Variants in CA3 observed in about 807,000 individuals in gnomAD.
CA3 encodes the protein carbonic anhydrase 3.
CA3 carries 30 observed loss-of-function variants against 35.7 expected under a neutral mutation model. The ratio of observed to expected loss-of-function variants is 0.84; its 90% confidence interval spans 0.63 to 1.14. CA3 has a LOEUF of 1.14. CA3 is among the 50% of genes most tolerant of loss of function. The pLI is 0.00. For missense variants in CA3, 295 were observed against 328.5 expected, an observed-to-expected ratio of 0.90 and a Z score of 0.79; for synonymous variants, 131 against 130.8, an observed-to-expected ratio of 1.00 and a Z score of -0.01.
intron 4 of CA3, among the ~76,000 whole-genome samples, chr8:85,444,763 A>G (rs1181127749): frequency 6.6e-6 from 1 of 152,150 alleles, no homozygotes; most frequent in African/African-American, 2.4e-5. Context: ...TCATTGGGTC[A>G]TTTTTGGTAC....
Position 85,447,924 on chromosome 8 carries a change from CAAAA to C in CA3, c.664-106_664-103del, listed in dbSNP as rs888179230. 1.1e-5 allele frequency: 11 copies of C among 1,040,408 alleles called. No homozygotes were observed. The Admixed American group carries it at 1.3e-4, about 13-fold the overall frequency. The allele number at this position is 1,040,408 out of a possible 1,614,324, so 64.4% of individuals were successfully genotyped here. On this transcript the variant is annotated intron_variant, in intron 6 of 6. Coordinates refer to ENST00000285381, the MANE Select transcript of CA3 (RefSeq NM_005181.4). Reference sequence around the variant, plus strand: ...AAAAACAAACAAACAAACAAACAAACAAAAAAACCAACAACAAAAAAAACCCCAG... The same window carrying C: ...AAAAACAAACAAACAAACAAACAAACAAACCAACAACAAAAAAAACCCCAG...
chr8:85,442,767 C>T (rs898752064), intron 3 of CA3, among the ~76,000 whole-genome samples: 1 of 152,022 alleles, frequency 6.6e-6, no homozygotes, highest in Non-Finnish European at 1.5e-5. Context: ...ATAAGAAAGC[C>T]CAGGGTCCTC....
At position 85,439,700 on chromosome 8, in the gene CA3, T is replaced by G; in HGVS notation, c.35-12T>G. On this transcript the variant is annotated splice_polypyrimidine_tract_variant and intron_variant, in intron 1 of 6. Coordinates refer to ENST00000285381, the MANE Select transcript of CA3 (RefSeq NM_005181.4). ...CACCAAATAAATACATCTCCTCGAC[T>G]TTATTTCCTAGGTCCTGACCACTGG... 1.5e-5 allele frequency: 24 copies of G among 1,604,344 alleles called. No individual in the cohort carries two copies. The highest frequency in any genetic ancestry group is 2.0e-5 in the Non-Finnish European group (24 of 1,172,870).
In CA3 at chr8:85,439,649, A is replaced by C. The variant is rs894552111; in HGVS notation, c.35-63A>C. 3.3e-6 allele frequency: 4 copies of C among 1,225,636 alleles called. No individual in the cohort carries two copies. The Admixed American group carries it at 5.4e-5, about 17-fold the overall frequency. The allele number at this position is 1,225,636 out of a possible 1,614,324, so 75.9% of individuals were successfully genotyped here. ...CTCTCTGTATTTTGCTGGTTTAGTC[A>C]ATTAGAAAGAGGCCTTGGGTTGTGC... On this transcript the variant is annotated intron_variant, in intron 1 of 6. Transcript: ENST00000285381.
chr8:85,439,915 T>C lies in CA3; in HGVS notation c.232+6T>C. On this transcript the variant is annotated splice_donor_region_variant and intron_variant, in intron 2 of 6. Coordinates refer to ENST00000285381, the MANE Select transcript of CA3 (RefSeq NM_005181.4). The stretch of plus-strand genomic sequence containing the variant: ...TGATACTTATGATAGGTCAAGTAAG[T>C]ATGACAATGAGGTAGAATCACATGG... The C allele has an allele frequency of 6.2e-7, 1 of 1,603,446 alleles. No individual in the cohort carries two copies. Among genetic ancestry groups the C allele is most frequent in the Non-Finnish European group, 8.5e-7 (1 of 1,173,856 alleles).
intron 4 of CA3, 59 bp from the exon 5 acceptor site, chr8:85,445,097 G>A: frequency 8.7e-7 from 1 of 1,143,620 alleles, no homozygotes; most frequent in African/African-American, 1.6e-5. Context: ...CAGCTTTGAA[G>A]ACAATCCTAA....
intron 4 of CA3, 25 bp from the exon 5 acceptor site, chr8:85,445,131 T>C: frequency 2.6e-6 from 4 of 1,526,514 alleles, no homozygotes; most frequent in Non-Finnish European, 3.6e-6. Context: ...AAAAGAACTA[T>C]ACTTGGATTT....
intron 6 of CA3, among the ~76,000 whole-genome samples, chr8:85,446,767 C>T (rs547142758): frequency 1.2e-3 from 181 of 152,330 alleles, no homozygotes; most frequent in Non-Finnish European, 2.0e-3. Context: ...TGTCCATGAT[C>T]ACACAGCCAA....
chr8:85,445,146 T>G lies in CA3; in HGVS notation c.445-10T>G. On this transcript the variant is annotated splice_polypyrimidine_tract_variant and intron_variant, in intron 4 of 6. Coordinates refer to ENST00000285381, the MANE Select transcript of CA3 (RefSeq NM_005181.4). Reference sequence around the variant, plus strand: ...AAAAGAACTATACTTGGATTTCTGTTTTCTTACAGATAGGACATGAGAATG... The same window carrying G: ...AAAAGAACTATACTTGGATTTCTGTGTTCTTACAGATAGGACATGAGAATG... The G allele has an allele frequency of 6.3e-7, 1 of 1,585,172 alleles. No individual in the cohort carries two copies.
intron 6 of CA3, among the ~76,000 whole-genome samples, chr8:85,447,689 G>C (rs1464439063): frequency 6.6e-6 from 1 of 152,214 alleles, no homozygotes; most frequent in Non-Finnish European, 1.5e-5. Context: ...CCTGAGGTCA[G>C]GAGTTCGAGA....
rs189829823 is a variant in CA3 at position 85,442,220 on chromosome 8, G to T, written c.351+29G>T. 4.3e-6 allele frequency: 5 copies of T among 1,163,794 alleles called. No individual in the cohort carries two copies. In the South Asian group the frequency reaches 6.1e-5, roughly 14 times the overall value. 72.1% of individuals were successfully genotyped at this position (1,163,794 alleles called of 1,614,324 possible). On this transcript the variant is annotated intron_variant, in intron 3 of 6. Transcript: ENST00000285381. ...AGAGGAACTGCCATAATCCATTCTC[G>T]GTCTCATACAGTGAAAACTGCAAAA...
intron 6 of CA3, 75 bp from the exon 7 acceptor site, chr8:85,447,959 T>A: frequency 2.1e-6 from 3 of 1,431,618 alleles, no homozygotes; most frequent in Non-Finnish European, 2.8e-6. Context: ...CCCAGCAGTA[T>A]TTATACCTCT....
In CA3 at chr8:85,441,301, G is replaced by T. The variant is rs78061400; in HGVS notation, c.233-772G>T. Reference sequence around the variant, plus strand: ...TTGAACCTCTAAATCACTCTGCAATGGGTTGAGATGTTTATCAACAAGCCC... The same window carrying T: ...TTGAACCTCTAAATCACTCTGCAATTGGTTGAGATGTTTATCAACAAGCCC... On this transcript the variant is annotated intron_variant, in intron 2 of 6. Transcript: ENST00000285381. Among the ~76,000 whole-genome samples the T allele has an allele frequency of 4.1e-3, 623 of 152,280 alleles. 1 individual carries two copies. The highest frequency in any genetic ancestry group is 8.5e-3 in the Admixed American group (130 of 15,300).
chr8:85,445,728 G>C (rs567179962), intron 5 of CA3, among the ~76,000 whole-genome samples: 9 of 152,102 alleles, frequency 5.9e-5, no homozygotes, highest in African/African-American at 2.2e-4. Flanking sequence ...ATATTATTGA[G>C]TTTCATTAAC....
At chr8:85,446,432 C>A in intron 6 of CA3, 135 bp downstream of exon 6, 1 of 1,029,806 alleles carries the variant, frequency 9.7e-7, no homozygotes. Flanking sequence ...ATGGTCTGCC[C>A]TGGTTAATTA....
intron 6 of CA3, 21 bp from the exon 7 acceptor site, chr8:85,448,013 G>T: frequency 6.2e-7 from 1 of 1,602,390 alleles, no homozygotes; most frequent in East Asian, 2.2e-5. Flanking sequence ...CTTGTTAACA[G>T]TCTGCCCCTG....
intron 6 of CA3, 21 bp downstream of exon 6, chr8:85,446,318 G>T (rs373481075): frequency 6.2e-7 from 1 of 1,600,026 alleles, no homozygotes; most frequent in South Asian, 1.1e-5. Context: ...TTGTGAACAC[G>T]TGGGCTTATG....
At chr8:85,447,665 A>C (rs940502767) in intron 6 of CA3, among the ~76,000 whole-genome samples, 1 of 152,218 alleles carries the variant, frequency 6.6e-6, no homozygotes, top group Non-Finnish European at 1.5e-5. Flanking sequence ...TGGGGGTCCA[A>C]GGCGGGTGGA....
intron 2 of CA3, among the ~76,000 whole-genome samples, chr8:85,440,839 T>A (rs1171816277): frequency 6.6e-6 from 1 of 152,242 alleles, no homozygotes; most frequent in African/African-American, 2.4e-5. Flanking sequence ...AACAGTGGTT[T>A]CGTATTGCTA....
Sources: gnomAD v4.1 joint callset for allele counts (sites outside exome capture counted in the v4.1 genomes callset) on GRCh38, gnomAD v4.1.1 for gene constraint, MANE v1.5 for transcripts, NCBI Gene and HGNC (gene_info 2026-07-23, HGNC 2026-07-21) for gene names.